PPM1B: variants seen among roughly 807,000 people sequenced by gnomAD.
PPM1B encodes protein phosphatase, Mg2+/Mn2+ dependent 1B.
A neutral mutation model predicts 43.0 loss-of-function variants in PPM1B; 22 were observed. That is an observed-to-expected ratio of 0.51 (90% CI 0.37 to 0.73). PPM1B has a LOEUF of 0.73. Ranked by LOEUF, PPM1B falls within the 30% of genes least tolerant of loss-of-function variation. The pLI, the probability that PPM1B is intolerant of heterozygous loss-of-function variation, is 0.00. For synonymous variants in PPM1B, 217 were observed against 197.9 expected, an observed-to-expected ratio of 1.10 and a Z score of -0.81; for missense variants, 632 against 584.2, an observed-to-expected ratio of 1.08 and a Z score of -0.84.
intron 5 of PPM1B, among the ~76,000 whole-genome samples, chr2:44,222,957 A>G (rs147828320): frequency 8.5e-4 from 129 of 152,170 alleles, no homozygotes; most frequent in Middle Eastern, 3.4e-3. Flanking sequence ...CAGCCTCCTG[A>G]GTAGCTGGGA....
At chr2:44,197,465 TA>T (rs1002638109) in intron 1 of PPM1B, among the ~76,000 whole-genome samples, 2 of 152,002 alleles carry the variant, frequency 1.3e-5, no homozygotes, top group South Asian at 2.1e-4. Context: ...TATCAAAAAC[TA>T]AAAAAAACTA....
At chr2:44,190,614 T>C (rs543309221) in intron 1 of PPM1B, among the ~76,000 whole-genome samples, 2 of 152,330 alleles carry the variant, frequency 1.3e-5, no homozygotes, top group East Asian at 3.9e-4. Flanking sequence ...TCTAAAAAAA[T>C]TTAGTAGGCA....
chr2:44,177,055 C>T (rs1307063292), intron 1 of PPM1B, among the ~76,000 whole-genome samples: 1 of 152,222 alleles, frequency 6.6e-6, no homozygotes, highest in Non-Finnish European at 1.5e-5. Context: ...GCTGGGATTA[C>T]AGGCATGAGC....
At chr2:44,222,919 C>T (rs1206653226) in intron 5 of PPM1B, among the ~76,000 whole-genome samples, 1 of 152,172 alleles carries the variant, frequency 6.6e-6, no homozygotes, top group East Asian at 1.9e-4. Context: ...TAGCCTCAAC[C>T]TCCCAGGCTC....
chr2:44,175,906 C>G (rs1473206349), intron 1 of PPM1B, among the ~76,000 whole-genome samples: 1 of 151,454 alleles, frequency 6.6e-6, no homozygotes, highest in African/African-American at 2.4e-5. Flanking sequence ...CTGCCTCAGT[C>G]TCCCGAGTAG....
At chr2:44,218,607 C>G (rs1281458741) in intron 5 of PPM1B, 70 bp downstream of exon 5, 4 of 1,043,422 alleles carry the variant, frequency 3.8e-6, no homozygotes, top group East Asian at 5.0e-5. Flanking sequence ...TGAATACATT[C>G]ACATTAACGA....
rs1302077846 is a variant in PPM1B at position 44,230,794 on chromosome 2, CTG to C, written c.*78_*79del. ...AAGTGTAATGTATGCATTTATATAA[CTG>C]TTTTGTTATTTGAATCTTGGAAAAC... On this transcript the variant is annotated 3_prime_UTR_variant, in exon 6 of 6. Transcript: ENST00000282412. 2.7e-5 allele frequency: 41 copies of C among 1,516,714 alleles called. No individual in the cohort carries two copies. Among genetic ancestry groups the C allele is most frequent in the Non-Finnish European group, 3.2e-5 (36 of 1,134,228 alleles). The allele number at this position is 1,516,714 out of a possible 1,614,324, so 94.0% of individuals were successfully genotyped here. A position where few individuals can be genotyped will look rare whatever the true frequency, so the allele number is the denominator to read the frequency against.
At chr2:44,177,993 C>G (rs1270481319) in intron 1 of PPM1B, among the ~76,000 whole-genome samples, 2 of 150,028 alleles carry the variant, frequency 1.3e-5, no homozygotes, top group Non-Finnish European at 3.0e-5. Context: ...TCTTGGCTCA[C>G]TGCAGCCTTG....
At chr2:44,236,654 T>TA (rs1303128054), downstream of PPM1B, among the ~76,000 whole-genome samples, 1 of 152,028 alleles carries the variant, frequency 6.6e-6, no homozygotes, top group African/African-American at 2.4e-5. Context: ...CCTTGGAAAA[T>TA]ACGCAAACCA....
intron 5 of PPM1B, among the ~76,000 whole-genome samples, chr2:44,242,594 C>G (rs1310788627): frequency 6.6e-6 from 1 of 152,150 alleles, no homozygotes; most frequent in African/African-American, 2.4e-5. Flanking sequence ...ACAAGAGTAG[C>G]TATGTTTTTC....
At chr2:44,178,931 G>A (rs1432818443) in intron 1 of PPM1B, among the ~76,000 whole-genome samples, 1 of 152,174 alleles carries the variant, frequency 6.6e-6, no homozygotes, top group African/African-American at 2.4e-5. Flanking sequence ...TATAAACAAT[G>A]AAGTTAATTA....
intron 1 of PPM1B, among the ~76,000 whole-genome samples, chr2:44,171,750 G>T (rs1416185583): frequency 6.7e-6 from 1 of 150,088 alleles, no homozygotes; most frequent in African/African-American, 2.5e-5. Flanking sequence ...GAATCACTTG[G>T]ACTCACGAGG....
At chr2:44,177,947 C>T (rs1221213296) in intron 1 of PPM1B, among the ~76,000 whole-genome samples, 2 of 145,358 alleles carry the variant, frequency 1.4e-5, no homozygotes, top group African/African-American at 2.6e-5. Flanking sequence ...TAAGACAGTC[C>T]GGCTCTGTTG....
chr2:44,235,089 A>ATAGT (rs1003938738), downstream of PPM1B, among the ~76,000 whole-genome samples: 7 of 152,194 alleles, frequency 4.6e-5, no homozygotes, highest in Non-Finnish European at 8.8e-5. Context: ...TTGACAACTG[A>ATAGT]TAGTTTCTTG....
intron 1 of PPM1B, among the ~76,000 whole-genome samples, chr2:44,195,409 G>C (rs1019724716): frequency 2.0e-5 from 3 of 151,870 alleles, no homozygotes; most frequent in African/African-American, 7.3e-5. Flanking sequence ...ATAGGGTCTT[G>C]CTATGTTGCC....
intron 2 of PPM1B, among the ~76,000 whole-genome samples, chr2:44,203,856 T>C (rs1419276715): frequency 6.6e-6 from 1 of 152,224 alleles, no homozygotes; most frequent in Non-Finnish European, 1.5e-5. Flanking sequence ...AACTCACTTA[T>C]CCATTGAAAG....
downstream of PPM1B, among the ~76,000 whole-genome samples, chr2:44,235,811 A>T (rs1670592939): frequency 6.6e-6 from 1 of 151,916 alleles, no homozygotes; most frequent in South Asian, 2.1e-4. Context: ...AGGCAGGAGG[A>T]TTGCTTGAGT....
chr2:44,187,428 C>G (rs142013195), intron 1 of PPM1B, among the ~76,000 whole-genome samples: 3 of 152,122 alleles, frequency 2.0e-5, no homozygotes, highest in African/African-American at 7.2e-5. Flanking sequence ...TTTTTGGATA[C>G]ATACACAGAA....
At chr2:44,208,669 C>T (rs55939103) in intron 2 of PPM1B, among the ~76,000 whole-genome samples, 2 of 152,124 alleles carry the variant, frequency 1.3e-5, no homozygotes, top group African/African-American at 2.4e-5. Flanking sequence ...GCCAAGATTG[C>T]GCCATTGTGC....
Sources: allele counts gnomAD v4.1 joint callset (sites outside exome capture counted in the v4.1 genomes callset), GRCh38; gene constraint gnomAD v4.1.1; transcripts MANE v1.5; gene names NCBI Gene and HGNC (gene_info 2026-07-23, HGNC 2026-07-21).